The following AJAP1 variants were observed in gnomAD, a reference collection of about 807,000 sequenced individuals.
AJAP1 encodes the protein adherens junctions associated protein 1.
In AJAP1, 5 loss-of-function variants were observed where a neutral mutation model predicts 35.0. The ratio of observed to expected loss-of-function variants is 0.14; its 90% CI spans 0.07 to 0.30. The LOEUF (loss-of-function observed/expected upper bound fraction) is 0.30. Among genes scored for constraint, AJAP1 ranks in the 10% least tolerant of loss-of-function variants. AJAP1 has a pLI of 1.00. For synonymous variants in AJAP1, 284 were observed against 249.3 expected (o/e 1.14, Z -1.31); for missense variants, 586 against 571.0 (o/e 1.03, Z -0.27).
rs891936531 is a variant in AJAP1, at chr1:4,783,633, T to C, written c.*1148T>C. On this transcript the variant is annotated 3_prime_UTR_variant, in exon 6 of 6. Coordinates refer to ENST00000378191, the MANE Select transcript of AJAP1 (RefSeq NM_018836.4). Reference sequence around the variant, plus strand: ...TTTTCATTTAAGTGTTGGAAGATGCTACCTAACAGCCACGTTCACATTTAC... The same window carrying C: ...TTTTCATTTAAGTGTTGGAAGATGCCACCTAACAGCCACGTTCACATTTAC... The C allele has an allele frequency of 6.6e-6, 1 of 151,012 alleles. No homozygotes were observed. The highest frequency in any genetic ancestry group is 2.4e-5 in the African/African-American group (1 of 41,028). The allele number at this position is 151,012 out of a possible 1,614,324, so 9.4% of individuals were successfully genotyped here.
chr1:4,675,957 G>A (rs553372916), intron 1 of AJAP1, among the ~76,000 whole-genome samples: 10 of 152,334 alleles, frequency 6.6e-5, no homozygotes, highest in East Asian at 1.9e-4. Flanking sequence ...GAGTCTGCTC[G>A]CCTTCCTGCA....
intron 2 of AJAP1, among the ~76,000 whole-genome samples, chr1:4,729,473 G>A (rs923537000): frequency 5.0e-5 from 7 of 139,296 alleles, no homozygotes; most frequent in East Asian, 2.3e-4. Flanking sequence ...CGAGACTCAC[G>A]GGGTGGGACT....
intron 2 of AJAP1, among the ~76,000 whole-genome samples, chr1:4,744,804 A>G (rs1020586881): frequency 6.6e-6 from 1 of 152,150 alleles, no homozygotes; most frequent in African/African-American, 2.4e-5. Flanking sequence ...ATGCACACAT[A>G]AAGACAAATA....
At chr1:4,700,548 G>A (rs1570127965) in intron 1 of AJAP1, among the ~76,000 whole-genome samples, 1 of 152,188 alleles carries the variant, frequency 6.6e-6, no homozygotes. Flanking sequence ...GACCCCCAGG[G>A]GATGAGGTTC....
intron 2 of AJAP1, among the ~76,000 whole-genome samples, chr1:4,765,329 T>C (rs1189704553): frequency 6.6e-6 from 1 of 152,192 alleles, no homozygotes; most frequent in Non-Finnish European, 1.5e-5. Context: ...GTCAATCTAG[T>C]CATAGCCCCT....
At chr1:4,672,846 C>T (rs577772012) in intron 1 of AJAP1, among the ~76,000 whole-genome samples, 94 of 152,310 alleles carry the variant, frequency 6.2e-4, no homozygotes, top group African/African-American at 2.1e-3. Context: ...GGAGATCATC[C>T]TCAATTATTC....
chr1:4,710,620 G>A (rs529420100), intron 1 of AJAP1, among the ~76,000 whole-genome samples: 4 of 152,376 alleles, frequency 2.6e-5, no homozygotes, highest in South Asian at 4.1e-4. Flanking sequence ...TTTGGGCGGC[G>A]TCAGGCTGGC....
chr1:4,722,954 G>T (rs1441635520), intron 2 of AJAP1, among the ~76,000 whole-genome samples: 2 of 152,124 alleles, frequency 1.3e-5, no homozygotes, highest in African/African-American at 4.8e-5. Flanking sequence ...AGTATGCTGG[G>T]GCTCATGGGA....
rs1322677148 is a variant in AJAP1, at chr1:4,790,944, T to C, written c.*8459T>C. The C allele has an allele frequency of 6.6e-6, 1 of 150,668 alleles. No homozygotes were observed. Among genetic ancestry groups the C allele is most frequent in the African/African-American group, 2.4e-5 (1 of 40,914 alleles). The allele number at this position is 150,668 out of a possible 1,614,324, so 9.3% of individuals were successfully genotyped here. On this transcript the variant is annotated 3_prime_UTR_variant, in exon 6 of 6. Transcript: ENST00000378191. ...TTTGTTTTTGTTTTTGTTTTTGTTT[T>C]TGTTTTTGTTTTGTTTAATTTCCTC...
intron 2 of AJAP1, among the ~76,000 whole-genome samples, chr1:4,714,518 A>G (rs1459593354): frequency 6.6e-6 from 1 of 152,198 alleles, no homozygotes; most frequent in Admixed American, 6.5e-5. Context: ...TACATTTGTT[A>G]TTACTAAAGT....
chr1:4,771,067 C>T (rs1641823518), intron 3 of AJAP1, among the ~76,000 whole-genome samples: 1 of 151,922 alleles, frequency 6.6e-6, no homozygotes, highest in Non-Finnish European at 1.5e-5. Context: ...CTTCATCTCC[C>T]CAGAGACAGG....
In AJAP1 at chr1:4,699,161, T is replaced by C. The variant is rs140327918; in HGVS notation, c.30-12739T>C. On this transcript the variant is annotated intron_variant, in intron 1 of 5. Coordinates refer to ENST00000378191, the MANE Select transcript of AJAP1 (RefSeq NM_018836.4). Reference sequence around the variant, plus strand: ...GGCTCGCCCCAGGGTGCGTGGTGAGTGGGCCCGCTGGGAAGCTGATGCTCT... The same window carrying C: ...GGCTCGCCCCAGGGTGCGTGGTGAGCGGGCCCGCTGGGAAGCTGATGCTCT... Among the ~76,000 whole-genome samples the C allele has an allele frequency of 2.6e-5, 4 of 152,210 alleles. No individual in the cohort carries two copies. The East Asian group carries it at 7.7e-4, about 29-fold the overall frequency.
intron 1 of AJAP1, among the ~76,000 whole-genome samples, chr1:4,668,579 C>T (rs1235992297): frequency 6.6e-6 from 1 of 152,202 alleles, no homozygotes. Context: ...AAGCAACTTT[C>T]CTAAGGTCAT....
At chr1:4,776,869 G>A (rs17349278) in intron 5 of AJAP1, among the ~76,000 whole-genome samples, 3 of 152,268 alleles carry the variant, frequency 2.0e-5, no homozygotes, top group East Asian at 1.9e-4. Flanking sequence ...CAGGTAGGTC[G>A]TCCGCAGAGT....
intron 1 of AJAP1, among the ~76,000 whole-genome samples, chr1:4,684,260 C>T (rs900553497): frequency 1.3e-5 from 2 of 152,182 alleles, no homozygotes; most frequent in Non-Finnish European, 2.9e-5. Flanking sequence ...CGGTGGAAAC[C>T]ATGTTCATTC....
chr1:4,735,024 G>A (rs1009813672), intron 2 of AJAP1, among the ~76,000 whole-genome samples: 13 of 152,208 alleles, frequency 8.5e-5, no homozygotes, highest in South Asian at 2.1e-4. Flanking sequence ...CCTGGGAGCC[G>A]TCCTGCTTTG....
rs442023 is a variant in AJAP1, at chr1:4,770,665, C to T, written c.917+725C>T. Among the ~76,000 whole-genome samples, 739 of 151,826 alleles carry T rather than the reference C, an allele frequency of 4.9e-3. 48 individuals are homozygous for T. In the South Asian group the frequency reaches 0.12, roughly 25 times the overall value. ...TCATAGAATAACAGACCCAAATGGT[C>T]CCCTTGCTGCCTGCACACAGCCATA... On this transcript the variant is annotated intron_variant, in intron 3 of 5. Coordinates refer to ENST00000378191, the MANE Select transcript of AJAP1 (RefSeq NM_018836.4).
intron 4 of AJAP1, among the ~76,000 whole-genome samples, chr1:4,774,039 A>G (rs896657906): frequency 2.0e-5 from 3 of 152,238 alleles, no homozygotes; most frequent in Non-Finnish European, 2.9e-5. Context: ...TTTGGGAGCC[A>G]GGTTCTATCC....
intron 1 of AJAP1, among the ~76,000 whole-genome samples, chr1:4,703,089 C>A (rs527642833): frequency 5.3e-5 from 8 of 152,140 alleles, no homozygotes; most frequent in Non-Finnish European, 8.8e-5. Flanking sequence ...CCCTAGGCAC[C>A]CTGGAGCTCC....
Sources: gnomAD v4.1 joint callset for allele counts (sites outside exome capture counted in the v4.1 genomes callset) on GRCh38, gnomAD v4.1.1 for gene constraint, MANE v1.5 for transcripts, NCBI Gene and HGNC (gene_info 2026-07-23, HGNC 2026-07-21) for gene names.